IWS1: variants seen among roughly 807,000 people sequenced by gnomAD.
The protein encoded by IWS1 is interacts with SUPT6H, CTD assembly factor 1, also known as protein IWS1 homolog.
In IWS1, 27 loss-of-function variants were observed where a neutral mutation model predicts 86.7. The observed-to-expected ratio is 0.31, with a 90% CI of 0.23 to 0.43. IWS1 has a LOEUF of 0.43. IWS1 is among the 20% of genes least tolerant of loss of function. The pLI, the probability that IWS1 is intolerant of heterozygous loss-of-function variation, is 1.00. For missense variants in IWS1, 827 were observed against 1,000.8 expected (o/e 0.83, Z 2.34); for synonymous variants, 313 against 335.1 (o/e 0.93, Z 0.72).
At chr2:127,501,110 C>T (rs1177518766) in intron 5 of IWS1, among the ~76,000 whole-genome samples, 1 of 152,120 alleles carries the variant, frequency 6.6e-6, no homozygotes, top group African/African-American at 2.4e-5. Context: ...TCTTTTCTCC[C>T]TCCTGCATCT....
Position 127,505,705 on chromosome 2 carries a change from C to A in IWS1, c.198G>T (p.Val66=). 6.2e-7 allele frequency: 1 copy of A among 1,610,768 alleles called. No individual in the cohort carries two copies. Among genetic ancestry groups the A allele is most frequent in the South Asian group, 1.1e-5 (1 of 90,386 alleles). ...AGGGCTCATCGTTCTCAGAGTCTGTCACATGATGTCCTTTGGGGAGGCCAT... is the reference window on the plus strand; with the variant it reads ...AGGGCTCATCGTTCTCAGAGTCTGTAACATGATGTCCTTTGGGGAGGCCAT... ...REDGLPKGHH[V]TDSENDEPLN... Residue 66 remains valine, a synonymous_variant, in exon 3 of 14, where the codon GTG becomes GTT. Coordinates refer to ENST00000295321, the MANE Select transcript of IWS1 (RefSeq NM_017969.3). The surrounding 1 kb of genome is among the most constrained non-coding windows in gnomAD (Gnocchi z 5.0).
At chr2:127,502,676 T>C in intron 5 of IWS1, 139 bp downstream of exon 5, 1 of 479,426 alleles carries the variant, frequency 2.1e-6, no homozygotes, top group South Asian at 3.7e-5. Flanking sequence ...ACTTCCTGAA[T>C]CCCTCTTCTA....
At chr2:127,516,544 C>T (rs1691785818) in intron 2 of IWS1, among the ~76,000 whole-genome samples, 1 of 152,178 alleles carries the variant, frequency 6.6e-6, no homozygotes, top group South Asian at 2.1e-4. Flanking sequence ...GGAGGAACCA[C>T]TTGAGGTCAG....
chr2:127,503,327 A>ATACATAATTGTAG, intron 4 of IWS1, 60 bp downstream of exon 4: 2 of 1,265,622 alleles, frequency 1.6e-6, no homozygotes, highest in Non-Finnish European at 2.2e-6. Flanking sequence ...ATTATAACAC[A>ATACATAATTGTAG]GACCCCTCTC....
intron 5 of IWS1, among the ~76,000 whole-genome samples, chr2:127,500,280 T>C (rs914061384): frequency 6.6e-6 from 1 of 152,186 alleles, no homozygotes; most frequent in African/African-American, 2.4e-5. Context: ...GGATTATACG[T>C]GGATTATATA....
Position 127,489,950 on chromosome 2 carries a change from T to G in IWS1, c.2048-7A>C. ...ATAGGCCTAGACCACTCATCTGTAG[T>G]AAGAAAAAAATCAATTATTTTGTCC... On this transcript the variant is annotated splice_polypyrimidine_tract_variant and splice_region_variant and intron_variant, in intron 10 of 13. Coordinates refer to ENST00000295321, the MANE Select transcript of IWS1 (RefSeq NM_017969.3). This position sits in a 1 kb window ranked among gnomAD's most constrained non-coding sequence, Gnocchi z 4.8. The G allele has an allele frequency of 2.7e-6, 4 of 1,456,260 alleles. No homozygotes were observed. The highest frequency in any genetic ancestry group is 2.9e-6 in the Non-Finnish European group (3 of 1,041,514). 90.2% of individuals were successfully genotyped at this position (1,456,260 alleles called of 1,614,324 possible).
rs36048775 is a variant in IWS1 at position 127,496,550 on chromosome 2, TACACACACACAC to T, written c.1566-414_1566-403del. On this transcript the variant is annotated intron_variant, in intron 6 of 13. Coordinates refer to ENST00000295321, the MANE Select transcript of IWS1 (RefSeq NM_017969.3). ...TAAACAGGTGTACCATATTTTATCA[TACACACACACAC>T]ACACACACACACACACACACACATT... Among the ~76,000 whole-genome samples, 21 of 140,422 alleles carry T rather than the reference TACACACACACAC, an allele frequency of 1.5e-4. No individual in the cohort carries two copies. The South Asian group carries it at 4.2e-3, about 28-fold the overall frequency. The allele number at this position is 140,422 out of a possible 152,430, so 92.1% of individuals were successfully genotyped here.
At chr2:127,483,613 T>G (rs1399693589) in intron 13 of IWS1, among the ~76,000 whole-genome samples, 8 of 4,856 alleles carry the variant, frequency 1.6e-3, no homozygotes, top group Admixed American at 9.9e-3. Context: ...GCTGTGTGTG[T>G]GTGTGTGTGT....
intron 2 of IWS1, among the ~76,000 whole-genome samples, chr2:127,519,569 G>A (rs1233504341): frequency 7.4e-6 from 1 of 134,974 alleles, no homozygotes; most frequent in African/African-American, 2.5e-5. Flanking sequence ...AAATACAGAT[G>A]AGGGGTTTAA....
intron 13 of IWS1, among the ~76,000 whole-genome samples, chr2:127,483,631 C>CGTGT (rs374712537): frequency 2.5e-5 from 1 of 39,852 alleles, no homozygotes; most frequent in African/African-American, 8.4e-5. Context: ...TGTGCGTGTG[C>CGTGT]GTGTGTGTGT....
In IWS1 at chr2:127,526,276, G is replaced by A. The variant is rs1692410453; in HGVS notation, c.-68C>T. On this transcript the variant is annotated 5_prime_UTR_variant, in exon 1 of 14. Transcript: ENST00000295321. ...CCCCCGTCACCTCCTTCCAGGCGGT[G>A]TGACCCCGGATGGCGCGGCTAAGTG... The A allele has an allele frequency of 2.6e-6, 4 of 1,546,682 alleles. No homozygotes were observed. The highest frequency in any genetic ancestry group is 2.4e-5 in the South Asian group (2 of 84,128).
At chr2:127,518,695 A>G (rs1242913819) in intron 2 of IWS1, among the ~76,000 whole-genome samples, 1 of 151,318 alleles carries the variant, frequency 6.6e-6, no homozygotes, top group Non-Finnish European at 1.5e-5. Context: ...CCTCCCGAGT[A>G]GCTGGGATTA....
intron 2 of IWS1, among the ~76,000 whole-genome samples, chr2:127,510,363 A>C (rs1691382288): frequency 6.6e-6 from 1 of 152,208 alleles, no homozygotes. Flanking sequence ...TGAAGCTATA[A>C]ACCAGAATGT....
At position 127,526,224 on chromosome 2, in the gene IWS1, A is replaced by G; in HGVS notation, c.-16T>C. 1.3e-6 allele frequency: 2 copies of G among 1,562,300 alleles called. No individual in the cohort carries two copies. Among genetic ancestry groups the G allele is most frequent in the Non-Finnish European group, 1.7e-6 (2 of 1,155,234 alleles). On this transcript the variant is annotated 5_prime_UTR_variant, in exon 1 of 14. Coordinates refer to ENST00000295321, the MANE Select transcript of IWS1 (RefSeq NM_017969.3). ...CCGAGTCCATGGCAGGCGGACTCTC[A>G]GCGGGGAGTGTCCGCGCCCCGCGCC...
intron 8 of IWS1, among the ~76,000 whole-genome samples, chr2:127,494,186 C>T (rs557603781): frequency 2.4e-4 from 35 of 145,292 alleles, no homozygotes; most frequent in Admixed American, 2.2e-3. Flanking sequence ...ACGGGAAGAT[C>T]GGCTGAGCCC....
chr2:127,520,462 C>T (rs1037519313), intron 2 of IWS1, among the ~76,000 whole-genome samples: 4 of 152,190 alleles, frequency 2.6e-5, no homozygotes, highest in Non-Finnish European at 4.4e-5. Flanking sequence ...CCACCACGCC[C>T]GGCCTTTGCA....
intron 5 of IWS1, among the ~76,000 whole-genome samples, chr2:127,502,348 C>A (rs1274647886): frequency 1.3e-5 from 2 of 152,180 alleles, no homozygotes; most frequent in African/African-American, 4.8e-5. Context: ...CAGGCAAACA[C>A]CCCCACAGAA....
In IWS1 at chr2:127,505,495, C is replaced by A. The variant is rs768395604; in HGVS notation, c.408G>T (p.Glu136Asp). Residue 136 changes from glutamate to aspartate, a missense_variant, in exon 3 of 14, where the codon GAG becomes GAT. Physicochemically the swap from Glu to Asp is conservative, Grantham distance 45 (BLOSUM62 2). Transcript: ENST00000295321. This position sits in a 1 kb window ranked among gnomAD's most constrained non-coding sequence, Gnocchi z 5.0. ...CACTTGCATGCCCATTAAGAAGTTC[C>A]TCATTTTCAGAGTCACTACCAGGTA... Reference protein sequence around the residue: ...RKLPGSDSENEELLNGHASDS... With the variant: ...RKLPGSDSENDELLNGHASDS... 2 of 1,614,088 alleles carry A rather than the reference C, an allele frequency of 1.2e-6. No individual in the cohort carries two copies. The highest frequency in any genetic ancestry group is 1.1e-5 in the South Asian group (1 of 91,082).
chr2:127,489,151 G>C lies in IWS1; in HGVS notation c.2216+28C>G, dbSNP rs1431622617. ...AAACGGAAATTCTCTATATAGTCTAGGAAGAAAAATTAACATTAAAACCTT... is the reference window on the plus strand; with the variant it reads ...AAACGGAAATTCTCTATATAGTCTACGAAGAAAAATTAACATTAAAACCTT... On this transcript the variant is annotated intron_variant, in intron 12 of 13. Coordinates refer to ENST00000295321, the MANE Select transcript of IWS1 (RefSeq NM_017969.3). This position sits in a 1 kb window ranked among gnomAD's most constrained non-coding sequence, Gnocchi z 4.8. 2 of 1,544,066 alleles carry C rather than the reference G, an allele frequency of 1.3e-6. No homozygotes were observed. The highest frequency in any genetic ancestry group is 2.7e-5 in the African/African-American group (2 of 73,286).
Sources: gnomAD v4.1 joint callset for allele counts (sites outside exome capture counted in the v4.1 genomes callset) on GRCh38, gnomAD v4.1.1 for gene constraint, Gnocchi (gnomAD v3.1) non-coding constraint, MANE v1.5 for transcripts, NCBI Gene and HGNC (gene_info 2026-07-23, HGNC 2026-07-21) for gene names.